The following TTN variants were observed in gnomAD, a reference collection of about 807,000 sequenced individuals.
The protein encoded by TTN is connectin.
A neutral mutation model predicts 3,223.0 loss-of-function variants in TTN; 1,525 were observed. The observed-to-expected ratio is 0.47, with a 90% CI of 0.45 to 0.49. The LOEUF (loss-of-function observed/expected upper bound fraction) is 0.49, where lower values mean the gene tolerates loss of function less well. TTN is among the 20% of genes least tolerant of loss of function. The probability of loss-of-function intolerance (pLI) is 0.00; values close to 1 mark genes in which losing one functional copy is unlikely to be tolerated. For synonymous variants in TTN, 14,094 were observed against 15,161.0 expected (o/e 0.93, Z 5.17); for missense variants, 40,786 against 43,424.0 (o/e 0.94, Z 5.40).
Position 178,572,609 on chromosome 2 carries a change from T to C in TTN, c.73523A>G (p.Lys24508Arg), listed in dbSNP as rs1559416294. ...AACTCTAACATTGACAAATGCAGAC[T>C]TGCTGCCTGAACTATTTTCTACAGT... ...ILTVENSSGS[K>R]SAFVNVRVLD... Residue 24508 changes from lysine (K) to arginine (R), a missense_variant, in exon 326 of 363, where the codon AAG becomes AGG. By Grantham distance (26) the Lys-to-Arg change is conservative (BLOSUM62 2). Transcript: ENST00000589042. 6.2e-7 allele frequency: 1 copy of C among 1,613,326 alleles called. No homozygotes were observed. The highest frequency in any genetic ancestry group is 8.5e-7 in the Non-Finnish European group (1 of 1,179,552).
In TTN at chr2:178,614,879, G is replaced by A. The variant is rs1176398842; in HGVS notation, c.48728C>T (p.Pro16243Leu). 6.3e-6 allele frequency: 10 copies of A among 1,575,324 alleles called. No individual in the cohort carries two copies. The highest frequency in any genetic ancestry group is 2.3e-5 in the East Asian group (1 of 43,034). ...GTCCACAGCCTGGATTTCCTCTGTG[G>A]GTCTGCTTGGTTTGCTAGCACCCTG... ...NRQGASKPSR[P>L]TEEIQAVDTQ... The change falls in exon 260 of 363, where the codon CCC becomes CTC. Residue 16243 changes from proline (P) to leucine (L), a missense_variant. Pro to Leu is a moderately conservative substitution (Grantham distance 98). Coordinates refer to ENST00000589042, the MANE Select transcript of TTN (RefSeq NM_001267550.2).
rs1391531165 is a variant in TTN at position 178,532,456 on chromosome 2, T to A, written c.104159A>T (p.Glu34720Val). 1.9e-6 allele frequency: 3 copies of A among 1,614,026 alleles called. No individual in the cohort carries two copies. The highest frequency in any genetic ancestry group is 2.5e-6 in the Non-Finnish European group (3 of 1,179,878). The change falls in exon 358 of 363, where the codon GAG (glutamate) becomes GTG (valine). Residue 34720 changes from glutamate (E) to valine (V), a missense_variant. Coordinates refer to ENST00000589042, the MANE Select transcript of TTN (RefSeq NM_001267550.2). ...ATACCTGAAGTCTTTTCTTGTTTCC[T>A]CCACCTTGACATGAGCTTGTGGTGA... ...YSSPQAHVKV[E>V]ETRKDFRYST...
intron 13 of TTN, 74 bp from the exon 14 acceptor site, chr2:178,786,215 C>G (rs2093168780): frequency 2.0e-6 from 3 of 1,527,724 alleles, no homozygotes; most frequent in Admixed American, 3.6e-5. Context: ...GGCATCAGGA[C>G]AGGCAGATGG....
chr2:178,758,850 G>A (rs2291309), intron 44 of TTN, 134 bp downstream of exon 44: 1 of 926,212 alleles, frequency 1.1e-6, no homozygotes, highest in Non-Finnish European at 1.7e-6. Flanking sequence ...GCATATAACA[G>A]GGAAATAATT....
intron 218 of TTN, 107 bp downstream of exon 218, chr2:178,644,441 C>A: frequency 1.2e-6 from 1 of 848,534 alleles, no homozygotes; most frequent in Non-Finnish European, 1.8e-6. Flanking sequence ...TGGGACTACT[C>A]TCTGATCATT....
rs1307239862 is a variant in TTN at position 178,567,782 on chromosome 2, C to G, written c.78350G>C (p.Gly26117Ala). Residue 26117 changes from glycine (G) to alanine (A), a missense_variant, in exon 326 of 363, where the codon GGA (glycine) becomes GCA (alanine). Transcript: ENST00000589042. ...LQWTKPVYDG[G>A]SMITGYIVEK... is the part of the protein sequence containing the mutation. ...TACAATGTAGCCTGTAATCATACTT[C>G]CACCATCATACACAGGTTTGGTCCA... 3.1e-6 allele frequency: 5 copies of G among 1,613,366 alleles called. No homozygotes were observed. Among genetic ancestry groups the G allele is most frequent in the Middle Eastern group, 3.3e-4 (2 of 6,076 alleles).
chr2:178,795,797 G>A (rs73973151), intron 6 of TTN, among the ~76,000 whole-genome samples: 11,771 of 152,154 alleles, frequency 0.077, 1,073 homozygotes, highest in African/African-American at 0.22. Context: ...CCAGGACAGG[G>A]GGACACATCC....
In TTN at chr2:178,583,159, A is replaced by C. The variant is rs1440309289; in HGVS notation, c.65644T>G (p.Cys21882Gly). The C allele has an allele frequency of 6.2e-7, 1 of 1,612,498 alleles. No homozygotes were observed. The highest frequency in any genetic ancestry group is 2.2e-5 in the East Asian group (1 of 44,608). ...TTACCAAAAACAGTAGCATCCAAGC[A>C]GACATTAGTTCCAGCTTTCACAGTA... ...LLTVKAGTNV[C>G]LDATVFGKPM... The change falls in exon 313 of 363, where the codon TGC (cysteine) becomes GGC (glycine). Residue 21882 changes from cysteine to glycine, a missense_variant. Cys to Gly is a radical substitution (Grantham distance 159, BLOSUM62 -3). Coordinates refer to ENST00000589042, the MANE Select transcript of TTN (RefSeq NM_001267550.2).
At position 178,564,896 on chromosome 2, in the gene TTN, G is replaced by C. The variant is rs747977338; in HGVS notation, c.81236C>G (p.Pro27079Arg). Residue 27079 changes from proline (P) to arginine (R), a missense_variant, in exon 326 of 363, where the codon CCT becomes CGT. By Grantham distance (103) the Pro-to-Arg change is moderately radical. Transcript: ENST00000589042. ...PFKEPGPPGT[P>R]FVTSISKDQM... is the part of the protein sequence containing the mutation. ...ATCTTTTGAGATTGATGTCACAAAA[G>C]GAGTTCCAGGTGGTCCAGGTTCTTT... is the stretch of plus-strand genomic sequence containing the variant. 1 of 1,612,548 alleles carries C rather than the reference G, an allele frequency of 6.2e-7. No individual in the cohort carries two copies. The highest frequency in any genetic ancestry group is 1.1e-5 in the South Asian group (1 of 90,772).
chr2:178,746,706 C>A, intron 47 of TTN: 1 of 1,613,390 alleles, frequency 6.2e-7, no homozygotes, highest in Non-Finnish European at 8.5e-7. Context: ...CCCACTCTTT[C>A]CATTTTGATT....
rs1575289681 is a variant in TTN at position 178,535,127 on chromosome 2, A to T, written c.101488T>A (p.Phe33830Ile). 1 of 1,613,798 alleles carries T rather than the reference A, an allele frequency of 6.2e-7. No individual in the cohort carries two copies. The highest frequency in any genetic ancestry group is 1.1e-5 in the South Asian group (1 of 91,062). ...TCAACACAACGATGGACAATTCCAA[A>T]CTCACCACGCCCAAGATCTTCAGCA... ...MIAEDLGRGE[F>I]GIVHRCVETS... The change falls in exon 358 of 363, where the codon TTT becomes ATT. Residue 33830 changes from phenylalanine (F) to isoleucine (I), a missense_variant. Phe to Ile is a conservative substitution (Grantham distance 21). Transcript: ENST00000589042.
chr2:178,665,342 A>G (rs916811525), intron 165 of TTN, 35 bp downstream of exon 165: 2 of 1,576,388 alleles, frequency 1.3e-6, no homozygotes, highest in Non-Finnish European at 1.7e-6. Context: ...AGGACAGATA[A>G]TTTCTTCTTC....
In TTN at chr2:178,785,999, C is replaced by A. The variant is rs28933405; in HGVS notation, c.2219G>T (p.Arg740Leu). The A allele has an allele frequency of 6.2e-7, 1 of 1,614,070 alleles. No homozygotes were observed. Among genetic ancestry groups the A allele is most frequent in the Non-Finnish European group, 8.5e-7 (1 of 1,179,994 alleles). Residue 740 changes from arginine to leucine, a missense_variant, in exon 14 of 363, where the codon CGC becomes CTC. Coordinates refer to ENST00000589042, the MANE Select transcript of TTN (RefSeq NM_001267550.2). Reference protein sequence around the residue: ...QTTLEYGYKERISAAKVAEPP... With the variant: ...QTTLEYGYKELISAAKVAEPP... ...CTCAGCTACCTTTGCGGCGGAAATG[C>A]GTTCCTTATATCCGTACTCCAAAGT...
At position 178,557,167 on chromosome 2, in the gene TTN, T is replaced by A. The variant is rs754348829; in HGVS notation, c.88010-23A>T. On this transcript the variant is annotated intron_variant, in intron 329 of 362. Coordinates refer to ENST00000589042, the MANE Select transcript of TTN (RefSeq NM_001267550.2). ...GTTCTGTGGTAATAAGAGAAGCAGA[T>A]TAGCGGCACTTATAATATTTTGCTT... 3 of 1,612,540 alleles carry A rather than the reference T, an allele frequency of 1.9e-6. No homozygotes were observed. In the South Asian group the frequency reaches 3.3e-5, roughly 18 times the overall value.
In TTN at chr2:178,718,687, G is replaced by T; in HGVS notation, c.24505+8C>A. 6.2e-7 allele frequency: 1 copy of T among 1,612,790 alleles called. No homozygotes were observed. Among genetic ancestry groups the T allele is most frequent in the Non-Finnish European group, 8.5e-7 (1 of 1,179,088 alleles). ...TAAAAGATGTATATATTGGGGGAAAGAGCAAACCTTTCACAAAAAGATGTG... is the reference window on the plus strand; with the variant it reads ...TAAAAGATGTATATATTGGGGGAAATAGCAAACCTTTCACAAAAAGATGTG... On this transcript the variant is annotated splice_region_variant and intron_variant, in intron 84 of 362. Coordinates refer to ENST00000589042, the MANE Select transcript of TTN (RefSeq NM_001267550.2).
intron 242 of TTN, 125 bp downstream of exon 242, chr2:178,624,340 A>T: frequency 1.7e-6 from 2 of 1,184,598 alleles, no homozygotes; most frequent in Non-Finnish European, 2.5e-6. Flanking sequence ...GGTCAGTGTC[A>T]ATACTAGAAG....
rs781276769 is a variant in TTN at position 178,613,013 on chromosome 2, A to G, written c.49708T>C (p.Leu16570=). 7 of 1,612,654 alleles carry G rather than the reference A, an allele frequency of 4.3e-6. No homozygotes were observed. The highest frequency in any genetic ancestry group is 4.2e-6 in the Non-Finnish European group (5 of 1,179,262). Residue 16570 remains leucine, a synonymous_variant, in exon 265 of 363, where the codon TTG becomes CTG. Coordinates refer to ENST00000589042, the MANE Select transcript of TTN (RefSeq NM_001267550.2). The part of the protein sequence containing the change: ...VKDVGKTSVR[L]NWTKPEHDGG... ...TCATGTTCTGGTTTTGTCCAATTCA[A>G]CCTTACTGATGTTTTGCCTACATCT... is the stretch of plus-strand genomic sequence containing the variant.
Position 178,565,641 on chromosome 2 carries a change from C to A in TTN, c.80491G>T (p.Ala26831Ser). The A allele has an allele frequency of 6.2e-7, 1 of 1,613,562 alleles. No homozygotes were observed. Among genetic ancestry groups the A allele is most frequent in the Non-Finnish European group, 8.5e-7 (1 of 1,179,628 alleles). The change falls in exon 326 of 363, where the codon GCT (alanine) becomes TCT (serine). Residue 26831 changes from alanine to serine, a missense_variant. Coordinates refer to ENST00000589042, the MANE Select transcript of TTN (RefSeq NM_001267550.2). ...ACTGCATTACAGACTTTGGATTCAG[C>A]CACAATGCTCCATTTTTCAGTTCCT... ...PKGTEKWSIV[A>S]ESKVCNAVVT...
intron 96 of TTN, 119 bp from the exon 97 acceptor site, chr2:178,711,468 G>T: frequency 1.7e-6 from 2 of 1,157,956 alleles, no homozygotes; most frequent in Admixed American, 3.0e-5. Flanking sequence ...AATTATTAAT[G>T]TCTCTTGAAT....
Sources: gnomAD v4.1 joint callset for allele counts (sites outside exome capture counted in the v4.1 genomes callset) on GRCh38, gnomAD v4.1.1 for gene constraint, MANE v1.5 for transcripts, NCBI Gene and HGNC (gene_info 2026-07-23, HGNC 2026-07-21) for gene names.